The following TNS3 variants were observed in gnomAD, a reference collection of about 807,000 sequenced individuals.
The protein encoded by TNS3 is tensin-3.
A neutral mutation model predicts 140.9 loss-of-function variants in TNS3; 45 were observed. That is an observed-to-expected ratio of 0.32 (90% CI 0.25 to 0.41). TNS3 has a LOEUF of 0.41. TNS3 is among the 10% of genes least tolerant of loss of function. The pLI, the probability that TNS3 is intolerant of heterozygous loss-of-function variation, is 1.00. For synonymous variants in TNS3, 815 were observed against 788.4 expected (o/e 1.03, Z -0.56); for missense variants, 1,716 against 1,906.7 (o/e 0.90, Z 1.86).
rs571835140 is a variant in TNS3 at position 47,285,959 on chromosome 7, A to G, written c.3929-2094T>C. The stretch of plus-strand genomic sequence containing the variant: ...AAGCAGAATAAAAACCACGTCTGCT[A>G]TGATTAGAACGGGAAAATGAAAAGC... On this transcript the variant is annotated intron_variant, in intron 27 of 30. Transcript: ENST00000311160. 2.0e-5 allele frequency among the ~76,000 whole-genome samples: 3 copies of G among 152,344 alleles called. No individual in the cohort carries two copies. The East Asian group carries it at 5.8e-4, about 29-fold the overall frequency.
intron 20 of TNS3, among the ~76,000 whole-genome samples, chr7:47,334,725 C>T (rs1429901120): frequency 2.0e-5 from 3 of 151,458 alleles, no homozygotes; most frequent in Admixed American, 2.0e-4. Flanking sequence ...AATCCTGCCT[C>T]AGCCTCCCGA....
At chr7:47,360,405 A>G (rs1280216888) in intron 17 of TNS3, among the ~76,000 whole-genome samples, 1 of 152,142 alleles carries the variant, frequency 6.6e-6, no homozygotes, top group Non-Finnish European at 1.5e-5. Context: ...GATGGAGAAA[A>G]AGCCTTGTTT....
At position 47,280,276 on chromosome 7, in the gene TNS3, A is replaced by G. The variant is rs201951346; in HGVS notation, c.4166+10T>C. On this transcript the variant is annotated intron_variant, in intron 29 of 30. Coordinates refer to ENST00000311160, the MANE Select transcript of TNS3 (RefSeq NM_022748.12). The stretch of plus-strand genomic sequence containing the variant: ...ACACTCCTTGCTCAATAAAAATGCA[A>G]ATTTCTTACTTCCTGTCTTGTGGGT... The G allele has an allele frequency of 1.5e-5, 25 of 1,614,046 alleles. No homozygotes were observed. Among genetic ancestry groups the G allele is most frequent in the African/African-American group, 9.3e-5 (7 of 74,918 alleles).
intron 17 of TNS3, among the ~76,000 whole-genome samples, chr7:47,355,925 T>A (rs1030120426): frequency 2.6e-5 from 4 of 152,300 alleles, no homozygotes; most frequent in African/African-American, 9.6e-5. Context: ...CCCACCATGC[T>A]GCCCACTCAC....
At chr7:47,321,483 C>T (rs1007162994) in intron 20 of TNS3, among the ~76,000 whole-genome samples, 3 of 152,270 alleles carry the variant, frequency 2.0e-5, no homozygotes, top group Non-Finnish European at 2.9e-5. Context: ...CAGGGTGTGT[C>T]GGCATTTGGA....
intron 16 of TNS3, among the ~76,000 whole-genome samples, chr7:47,380,086 G>T (rs970688508): frequency 6.6e-6 from 1 of 152,244 alleles, no homozygotes; most frequent in African/African-American, 2.4e-5. Flanking sequence ...AAGCGCTCCC[G>T]CGGTCTCCTG....
chr7:47,517,781 G>A (rs1162807386), intron 2 of TNS3, among the ~76,000 whole-genome samples: 3 of 152,150 alleles, frequency 2.0e-5, no homozygotes, highest in Non-Finnish European at 4.4e-5. Flanking sequence ...CCAGGAAGGT[G>A]CAGCGGGAGC....
chr7:47,569,108 G>A (rs17659046), intron 1 of TNS3, among the ~76,000 whole-genome samples: 49,338 of 152,120 alleles, frequency 0.32, 8,554 homozygotes, highest in East Asian at 0.54. Flanking sequence ...AGTGTCTTAC[G>A]TGCACTCAGT....
At chr7:47,537,053 G>C (rs1213613019) in intron 1 of TNS3, among the ~76,000 whole-genome samples, 1 of 151,736 alleles carries the variant, frequency 6.6e-6, no homozygotes, top group Non-Finnish European at 1.5e-5. Flanking sequence ...CGGCGCGACC[G>C]GGTTCCGCGC....
chr7:47,571,386 T>C (rs1362394530), intron 1 of TNS3, among the ~76,000 whole-genome samples: 2 of 152,238 alleles, frequency 1.3e-5, no homozygotes, highest in Non-Finnish European at 2.9e-5. Flanking sequence ...GCCTGCTCCC[T>C]TTCCGCTTCA....
At position 47,396,815 on chromosome 7, in the gene TNS3, T is replaced by C; in HGVS notation, c.1009A>G (p.Ser337Gly). The change falls in exon 16 of 31, where the codon AGT becomes GGT. Residue 337 changes from serine to glycine, a missense_variant. By Grantham distance (56) the Ser-to-Gly change is moderately conservative. Around this residue, in one of 3 missense-constraint regions of TNS3, gnomAD observed 1,163 missense variants for 1,182.1 expected, o/e 0.98. Transcript: ENST00000311160. ...LIRWDSYENL[S>G]ADGEVLHTQG... is the part of the protein sequence containing the mutation. ...ACACACGCACCTTCTCCATCTGCACTGAGGTTCTCGTACGAGTCCCAGCGT... is the reference window on the plus strand; with the variant it reads ...ACACACGCACCTTCTCCATCTGCACCGAGGTTCTCGTACGAGTCCCAGCGT... The C allele has an allele frequency of 6.2e-7, 1 of 1,614,034 alleles. No homozygotes were observed.
intron 10 of TNS3, among the ~76,000 whole-genome samples, chr7:47,419,460 C>G (rs575339120): frequency 6.6e-6 from 1 of 152,364 alleles, no homozygotes; most frequent in Admixed American, 6.5e-5. Context: ...CCTTTAACCT[C>G]CTAGCTGCCC....
intron 1 of TNS3, among the ~76,000 whole-genome samples, chr7:47,560,974 C>T (rs895780169): frequency 6.6e-6 from 1 of 152,236 alleles, no homozygotes; most frequent in East Asian, 1.9e-4. Flanking sequence ...TGACTGCTCA[C>T]CCCAGGGATT....
intron 20 of TNS3, among the ~76,000 whole-genome samples, chr7:47,317,800 G>A (rs1340421849): frequency 1.3e-5 from 2 of 152,198 alleles, no homozygotes; most frequent in African/African-American, 4.8e-5. Context: ...TCAGGGTCTA[G>A]GGAGTCACTG....
intron 24 of TNS3, among the ~76,000 whole-genome samples, chr7:47,296,080 A>G (rs577443968): frequency 6.6e-6 from 1 of 152,266 alleles, no homozygotes; most frequent in East Asian, 1.9e-4. Flanking sequence ...AGACAGACAG[A>G]GTGAAAGAAT....
chr7:47,311,927 G>A (rs957904838), intron 20 of TNS3, among the ~76,000 whole-genome samples: 1 of 152,180 alleles, frequency 6.6e-6, no homozygotes, highest in African/African-American at 2.4e-5. Flanking sequence ...ACAGTGCCTT[G>A]TCCATTTTGG....
chr7:47,407,780 G>A lies in TNS3; in HGVS notation c.723+3947C>T, dbSNP rs1318412662. Among the ~76,000 whole-genome samples, 1 of 152,166 alleles carries A rather than the reference G, an allele frequency of 6.6e-6. No individual in the cohort carries two copies. The highest frequency in any genetic ancestry group is 1.5e-5 in the Non-Finnish European group (1 of 68,024). On this transcript the variant is annotated intron_variant, in intron 13 of 30. Transcript: ENST00000311160. This position sits in a 1 kb window ranked among gnomAD's most constrained non-coding sequence, Gnocchi z 4.1. Reference sequence around the variant, plus strand: ...ACATAGACACACAGAGGGAAGCCCAGGTGAGGACACAGGGAGAAGACAGCC... The same window carrying A: ...ACATAGACACACAGAGGGAAGCCCAAGTGAGGACACAGGGAGAAGACAGCC...
At chr7:47,298,991 G>A (rs1442487932) in intron 23 of TNS3, among the ~76,000 whole-genome samples, 6 of 152,196 alleles carry the variant, frequency 3.9e-5, no homozygotes, top group Non-Finnish European at 7.4e-5. Context: ...GCCTGCAGCC[G>A]CCCATGCAAG....
At chr7:47,341,740 C>G (rs1039966987) in intron 20 of TNS3, among the ~76,000 whole-genome samples, 1 of 151,746 alleles carries the variant, frequency 6.6e-6, no homozygotes, top group African/African-American at 2.4e-5. Context: ...TTTTTATTAT[C>G]TCCTTCCTTC....
Sources: gnomAD v4.1 joint callset for allele counts (sites outside exome capture counted in the v4.1 genomes callset) on GRCh38, gnomAD v4.1.1 for gene constraint, gnomAD v4.1.1 regional missense constraint, Gnocchi (gnomAD v3.1) non-coding constraint, MANE v1.5 for transcripts, NCBI Gene and HGNC (gene_info 2026-07-23, HGNC 2026-07-21) for gene names.